Variants in BIRC6 observed in about 807,000 individuals in gnomAD.
The protein encoded by BIRC6 is baculoviral IAP repeat containing 6, also known as dual E2 ubiquitin-conjugating enzyme/E3 ubiquitin-protein ligase BIRC6.
BIRC6 carries 98 observed loss-of-function variants against 503.3 expected under a neutral mutation model. That is an observed-to-expected ratio of 0.19 (90% CI 0.17 to 0.23). BIRC6 has a LOEUF of 0.23. Among genes scored for constraint, BIRC6 ranks in the 10% least tolerant of loss-of-function variants. The pLI, the probability that BIRC6 is intolerant of heterozygous loss-of-function variation, is 1.00. For missense variants in BIRC6, 5,360 were observed against 5,806.0 expected (o/e 0.92, Z 2.50); for synonymous variants, 2,240 against 2,078.7 (o/e 1.08, Z -2.11).
chr2:32,464,627 T>C lies in BIRC6; in HGVS notation c.5060T>C (p.Phe1687Ser). 4 of 1,613,980 alleles carry C rather than the reference T, an allele frequency of 2.5e-6. No individual in the cohort carries two copies. The highest frequency in any genetic ancestry group is 3.4e-6 in the Non-Finnish European group (4 of 1,179,868). ...PSNPVAAPGF[F>S]IHPSDVIPPT... ...AACCCAGTGGCTGCCCCTGGATTCTTCATTCATCCATCTGATGTTATTCCA... is the reference window on the plus strand; with the variant it reads ...AACCCAGTGGCTGCCCCTGGATTCTCCATTCATCCATCTGATGTTATTCCA... The change falls in exon 25 of 74, where the codon TTC (phenylalanine) becomes TCC (serine). Residue 1687 changes from phenylalanine (F) to serine (S), a missense_variant. Around this residue, in one of 16 missense-constraint regions of BIRC6, gnomAD observed 2,299 missense variants for 2,267.2 expected, o/e 1.01. Transcript: ENST00000421745.
intron 20 of BIRC6, among the ~76,000 whole-genome samples, chr2:32,444,809 A>G (rs1193571244): frequency 6.6e-6 from 1 of 152,230 alleles, no homozygotes; most frequent in African/African-American, 2.4e-5. Context: ...TTCTTAATTT[A>G]GGTAAAGCGT....
In BIRC6 at chr2:32,478,626, G is replaced by A. The variant is rs2050037576; in HGVS notation, c.7069-9G>A. 2 of 1,601,610 alleles carry A rather than the reference G, an allele frequency of 1.2e-6. No individual in the cohort carries two copies. The highest frequency in any genetic ancestry group is 1.7e-6 in the Non-Finnish European group (2 of 1,175,392). Reference sequence around the variant, plus strand: ...ATTTAAGTGTATGATTTTATAAAATGTATTACAGGTTCTTGCACGCATTGC... The same window carrying A: ...ATTTAAGTGTATGATTTTATAAAATATATTACAGGTTCTTGCACGCATTGC... On this transcript the variant is annotated splice_polypyrimidine_tract_variant and intron_variant, in intron 35 of 73. Transcript: ENST00000421745.
At chr2:32,432,761 G>GA (rs537768715) in intron 12 of BIRC6, among the ~76,000 whole-genome samples, 12,888 of 129,058 alleles carry the variant, frequency 0.1, 625 homozygotes, top group Admixed American at 0.18. Context: ...CCCCATTTCG[G>GA]AAAAAAAAAA....
At chr2:32,364,799 A>G (rs1421809309) in intron 1 of BIRC6, among the ~76,000 whole-genome samples, 1 of 143,064 alleles carries the variant, frequency 7.0e-6, no homozygotes, top group Non-Finnish European at 1.5e-5. Context: ...GAGCTTCTTG[A>G]TCAAACTTCA....
At chr2:32,582,147 C>A (rs1573176553) in intron 66 of BIRC6, among the ~76,000 whole-genome samples, 1 of 152,264 alleles carries the variant, frequency 6.6e-6, no homozygotes, top group East Asian at 1.9e-4. Flanking sequence ...GTGTGAGCCA[C>A]CGCGCCCGGC....
At chr2:32,417,560 A>T (rs974703024) in intron 10 of BIRC6, among the ~76,000 whole-genome samples, 2 of 152,172 alleles carry the variant, frequency 1.3e-5, no homozygotes, top group Non-Finnish European at 2.9e-5. Context: ...GGAATTTAGG[A>T]CTAGGAGATA....
intron 23 of BIRC6, among the ~76,000 whole-genome samples, chr2:32,461,343 AGTGTGT>A (rs373274536): frequency 1.4e-3 from 185 of 132,122 alleles, no homozygotes; most frequent in Middle Eastern, 3.7e-3. Flanking sequence ...ATGCCTGGCT[AGTGTGT>A]GTGTGTGTGT....
intron 40 of BIRC6, among the ~76,000 whole-genome samples, 160 bp from the exon 41 acceptor site, chr2:32,487,487 T>C (rs1388583059): frequency 2.0e-5 from 3 of 152,230 alleles, no homozygotes; most frequent in African/African-American, 7.2e-5. Context: ...AGTAATGTTA[T>C]AAAAACACGT....
chr2:32,538,548 C>A (rs80309448), intron 61 of BIRC6, among the ~76,000 whole-genome samples: 3,787 of 152,304 alleles, frequency 0.025, 66 homozygotes, highest in African/African-American at 0.06. Flanking sequence ...AGGGTGATCT[C>A]CCAATAATTT....
chr2:32,497,120 C>T (rs751451846), intron 45 of BIRC6, among the ~76,000 whole-genome samples: 10 of 152,202 alleles, frequency 6.6e-5, no homozygotes, highest in Non-Finnish European at 1.0e-4. Flanking sequence ...TGTTTCCCTG[C>T]ATCTGTTGAA....
intron 1 of BIRC6, among the ~76,000 whole-genome samples, chr2:32,375,928 A>T (rs1049264167): frequency 6.6e-6 from 1 of 152,094 alleles, no homozygotes; most frequent in Non-Finnish European, 1.5e-5. Flanking sequence ...GCTCACGCCT[A>T]TAATCCCGGC....
rs1411227668 is a variant in BIRC6 at position 32,433,633 on chromosome 2, T to A, written c.3249-11T>A. The A allele has an allele frequency of 5.2e-6, 8 of 1,531,592 alleles. No individual in the cohort carries two copies. The highest frequency in any genetic ancestry group is 6.2e-6 in the Non-Finnish European group (7 of 1,123,076). The allele number at this position is 1,531,592 out of a possible 1,614,324, so 94.9% of individuals were successfully genotyped here. ...TTTGCTTTATTTAGCATTTTTCCCC[T>A]TATTTGACAGCAACAGCTGGGATGA... On this transcript the variant is annotated splice_polypyrimidine_tract_variant and intron_variant, in intron 12 of 73. Transcript: ENST00000421745.
At chr2:32,514,955 C>G in intron 54 of BIRC6, 35 bp from the exon 55 acceptor site, 2 of 1,455,764 alleles carry the variant, frequency 1.4e-6, no homozygotes, top group South Asian at 1.2e-5. Flanking sequence ...TAAAAATATA[C>G]TTGTATCATT....
Position 32,508,019 on chromosome 2 carries a change from G to A in BIRC6, c.9740G>A (p.Gly3247Glu). Residue 3247 changes from glycine to glutamate, a missense_variant, in exon 51 of 74, where the codon GGG becomes GAG. This residue lies in a region of BIRC6 where 267 missense variants were observed against 287.6 expected (regional missense o/e 0.93). Transcript: ENST00000421745. Reference protein sequence around the residue: ...SSVSVEVSADGVNMLPLSTPV... With the variant: ...SSVSVEVSADEVNMLPLSTPV... The stretch of plus-strand genomic sequence containing the variant: ...GTGTCTGTTGAAGTAAGTGCAGATG[G>A]GGTAAATATGCTACCTTTGTCCACT... The A allele has an allele frequency of 1.2e-6, 2 of 1,613,848 alleles. No individual in the cohort carries two copies. The highest frequency in any genetic ancestry group is 1.7e-6 in the Non-Finnish European group (2 of 1,179,850).
chr2:32,510,205 A>G (rs994374871), intron 52 of BIRC6, among the ~76,000 whole-genome samples: 13 of 151,956 alleles, frequency 8.6e-5, no homozygotes, highest in Non-Finnish European at 1.8e-4. Context: ...CCACCTCCCT[A>G]GTAGCTGGGA....
intron 6 of BIRC6, among the ~76,000 whole-genome samples, chr2:32,398,861 G>A (rs920517954): frequency 6.6e-6 from 1 of 152,082 alleles, no homozygotes; most frequent in Non-Finnish European, 1.5e-5. Flanking sequence ...GCTTGGAAGT[G>A]CACTGTAAAA....
intron 40 of BIRC6, 77 bp from the exon 41 acceptor site, chr2:32,487,570 A>G (rs1004839415): frequency 6.9e-6 from 9 of 1,306,832 alleles, no homozygotes; most frequent in African/African-American, 4.4e-5. Flanking sequence ...AATTTAACCT[A>G]TTTATACATA....
At chr2:32,534,833 T>C (rs2057086707) in intron 61 of BIRC6, among the ~76,000 whole-genome samples, 1 of 150,574 alleles carries the variant, frequency 6.6e-6, no homozygotes, top group African/African-American at 2.4e-5. Flanking sequence ...AGTGAAAAAT[T>C]CTAACTTACA....
chr2:32,586,598 T>C (rs1270465535), intron 66 of BIRC6, among the ~76,000 whole-genome samples: 1 of 151,816 alleles, frequency 6.6e-6, no homozygotes, highest in Non-Finnish European at 1.5e-5. Context: ...TTTGTGTTTA[T>C]AGTAGAGATG....
Sources: gnomAD v4.1 joint callset for allele counts (sites outside exome capture counted in the v4.1 genomes callset) on GRCh38, gnomAD v4.1.1 for gene constraint, gnomAD v4.1.1 regional missense constraint, MANE v1.5 for transcripts, NCBI Gene and HGNC (gene_info 2026-07-23, HGNC 2026-07-21) for gene names.